KREMEN1: variants seen among roughly 807,000 people sequenced by gnomAD.
KREMEN1 encodes kringle containing transmembrane protein 1.
Under a neutral mutation model 46.5 loss-of-function variants are expected in KREMEN1, and 30 were observed. The observed-to-expected ratio is 0.65, with a 90% confidence interval of 0.48 to 0.88. The LOEUF is 0.88. KREMEN1 is among the 40% of genes least tolerant of loss of function. The pLI is 0.00. For synonymous variants in KREMEN1, 214 were observed against 230.6 expected, an observed-to-expected ratio of 0.93 and a Z score of 0.65; for missense variants, 533 against 596.9, an observed-to-expected ratio of 0.89 and a Z score of 1.11.
At chr22:29,167,059 G>C in exon 10 of KREMEN1, 1 of 1,551,636 alleles carries the variant, frequency 6.4e-7, no homozygotes, top group Non-Finnish European at 8.7e-7. Context: ...TCAGGACTCG[G>C]AAGTGACATC....
At chr22:29,082,645 A>T (rs2037673344) in intron 1 of KREMEN1, among the ~76,000 whole-genome samples, 1 of 152,200 alleles carries the variant, frequency 6.6e-6, no homozygotes, top group African/African-American at 2.4e-5. Context: ...TGCTGAGAAT[A>T]CAAAGGTGAG....
At chr22:29,094,866 C>T (rs373543374) in intron 2 of KREMEN1, among the ~76,000 whole-genome samples, 3 of 152,250 alleles carry the variant, frequency 2.0e-5, no homozygotes, top group East Asian at 3.9e-4. Context: ...CCTTGTGATC[C>T]GCCCGCCTCA....
At chr22:29,136,664 A>T (rs1250550163) in intron 5 of KREMEN1, among the ~76,000 whole-genome samples, 2 of 152,156 alleles carry the variant, frequency 1.3e-5, no homozygotes, top group Non-Finnish European at 2.9e-5. Context: ...CATGTAAGAC[A>T]GGAAATCACT....
chr22:29,090,940 C>G (rs1184501837), intron 1 of KREMEN1, among the ~76,000 whole-genome samples: 1 of 152,076 alleles, frequency 6.6e-6, no homozygotes, highest in African/African-American at 2.4e-5. Context: ...CAGATGCCAT[C>G]TCGTCTCCAT....
chr22:29,167,225 G>A lies in KREMEN1; in HGVS notation c.*119G>A, dbSNP rs982986190. Reference sequence around the variant, plus strand: ...TGGGCTCTCTCTGGCCCAGCGTGGTGGTTCATGCCTGTAATACCAGCGTTT... The same window carrying A: ...TGGGCTCTCTCTGGCCCAGCGTGGTAGTTCATGCCTGTAATACCAGCGTTT... On this transcript the variant is annotated 3_prime_UTR_variant, in exon 10 of 10. Transcript: ENST00000327813. 10 of 831,756 alleles carry A rather than the reference G, an allele frequency of 1.2e-5. No individual in the cohort carries two copies. The African/African-American group carries it at 1.4e-4, about 11-fold the overall frequency. 51.5% of individuals were successfully genotyped at this position (831,756 alleles called of 1,614,324 possible). A position where few individuals can be genotyped will look rare whatever the true frequency, so the allele number is the denominator to read the frequency against.
chr22:29,080,301 C>G (rs1201113403), intron 1 of KREMEN1, among the ~76,000 whole-genome samples: 1 of 152,238 alleles, frequency 6.6e-6, no homozygotes. Flanking sequence ...CTGGTGAGGG[C>G]TGTAACTGCT....
intron 9 of KREMEN1, among the ~76,000 whole-genome samples, chr22:29,161,316 G>T (rs1028355129): frequency 2.6e-5 from 4 of 151,728 alleles, no homozygotes; most frequent in Admixed American, 1.3e-4. Context: ...GACCATCCTG[G>T]CTAACATGAT....
intron 3 of KREMEN1, among the ~76,000 whole-genome samples, chr22:29,109,290 A>G (rs1190972366): frequency 1.3e-5 from 2 of 152,216 alleles, no homozygotes; most frequent in Non-Finnish European, 2.9e-5. Context: ...ATTCAAATTG[A>G]TAGGGATGAC....
rs2038523838 is a variant in KREMEN1, at chr22:29,130,915, C to T, written c.631+5499C>T. The stretch of plus-strand genomic sequence containing the variant: ...TTTCAAGTTTCCTGTTGGATTATCA[C>T]TGAATTTTAATAATCCATCATAAAG... On this transcript the variant is annotated intron_variant, in intron 5 of 8. Transcript: ENST00000400335. Among the ~76,000 whole-genome samples, 3 of 152,312 alleles carry T rather than the reference C, an allele frequency of 2.0e-5. No homozygotes were observed. The South Asian group carries it at 6.2e-4, about 32-fold the overall frequency.
downstream of KREMEN1, among the ~76,000 whole-genome samples, chr22:29,148,579 G>A (rs561285036): frequency 3.3e-5 from 5 of 150,998 alleles, no homozygotes; most frequent in East Asian, 2.0e-4. Flanking sequence ...TCAGCCTCCC[G>A]GAGTAGCTGG....
intron 4 of KREMEN1, among the ~76,000 whole-genome samples, chr22:29,122,647 T>A (rs2038373233): frequency 6.6e-6 from 1 of 152,058 alleles, no homozygotes; most frequent in South Asian, 2.1e-4. Flanking sequence ...AGAGACATAT[T>A]AAGACCTACT....
In KREMEN1 at chr22:29,146,228, A is replaced by G. The variant is rs1345727912; in HGVS notation, c.*4116A>G. On this transcript the variant is annotated 3_prime_UTR_variant, in exon 9 of 9. Coordinates refer to ENST00000400335, the MANE Select transcript of KREMEN1 (RefSeq NM_001039570.3). ...TCTGGTGTCTTTGTTTACCTTCCTC[A>G]CTGTTCTACCTCCTGGCCAGGTCTC... 13 of 985,126 alleles carry G rather than the reference A, an allele frequency of 1.3e-5. No homozygotes were observed. The highest frequency in any genetic ancestry group is 6.2e-5 in the Admixed American group (1 of 16,216). The allele number at this position is 985,126 out of a possible 1,614,324, so 61.0% of individuals were successfully genotyped here.
At chr22:29,105,663 A>C (rs2038048794) in intron 3 of KREMEN1, among the ~76,000 whole-genome samples, 1 of 152,148 alleles carries the variant, frequency 6.6e-6, no homozygotes, top group Non-Finnish European at 1.5e-5. Flanking sequence ...GAAGATGATG[A>C]TGAAGCTGAG....
chr22:29,077,409 G>A (rs2037589915), intron 1 of KREMEN1, among the ~76,000 whole-genome samples: 1 of 152,130 alleles, frequency 6.6e-6, no homozygotes. Flanking sequence ...AAGTGCAGTG[G>A]CGCAATCTCG....
At chr22:29,097,984 C>A (rs969685580) in intron 2 of KREMEN1, among the ~76,000 whole-genome samples, 4 of 152,074 alleles carry the variant, frequency 2.6e-5, no homozygotes, top group African/African-American at 9.7e-5. Context: ...GAGTTGGAGA[C>A]CAGACTGGCC....
chr22:29,151,381 G>A (rs1323303243), downstream of KREMEN1, among the ~76,000 whole-genome samples: 1 of 152,140 alleles, frequency 6.6e-6, no homozygotes, highest in Admixed American at 6.5e-5. Flanking sequence ...GCCAGGGGTC[G>A]GCAAACATTT....
rs184161759 is a variant in KREMEN1 at position 29,131,767 on chromosome 22, T to C, written c.632-5575T>C. On this transcript the variant is annotated intron_variant, in intron 5 of 8. Coordinates refer to ENST00000400335, the MANE Select transcript of KREMEN1 (RefSeq NM_001039570.3). ...ATATATGTATATATGTATATATATA[T>C]GTATATATATATATAGTTTTGTGTT... Among the ~76,000 whole-genome samples the C allele has an allele frequency of 3.5e-3, 466 of 132,394 alleles. 7 individuals carry two copies. The East Asian group carries it at 0.037, about 10-fold the overall frequency. 86.9% of individuals were successfully genotyped at this position (132,394 alleles called of 152,430 possible).
downstream of KREMEN1, among the ~76,000 whole-genome samples, chr22:29,148,283 G>C (rs1450032200): frequency 1.3e-5 from 2 of 152,088 alleles, no homozygotes; most frequent in Non-Finnish European, 2.9e-5. Context: ...ATGGGCAAAG[G>C]TGGCATCCTC....
In KREMEN1 at chr22:29,145,835, G is replaced by T; in HGVS notation, c.*3723G>T. Reference sequence around the variant, plus strand: ...CGGCCAGAAGCCCACAGAGATCAAAGCACTAGCAAGTTCAGCTGTCCTGGC... The same window carrying T: ...CGGCCAGAAGCCCACAGAGATCAAATCACTAGCAAGTTCAGCTGTCCTGGC... On this transcript the variant is annotated 3_prime_UTR_variant, in exon 9 of 9. Coordinates refer to ENST00000400335, the MANE Select transcript of KREMEN1 (RefSeq NM_001039570.3). 1.0e-6 allele frequency: 1 copy of T among 985,554 alleles called. No homozygotes were observed. 61.1% of individuals were successfully genotyped at this position (985,554 alleles called of 1,614,324 possible).
Sources: allele counts gnomAD v4.1 joint callset (sites outside exome capture counted in the v4.1 genomes callset), GRCh38; gene constraint gnomAD v4.1.1; transcripts MANE v1.5; gene names NCBI Gene and HGNC (gene_info 2026-07-23, HGNC 2026-07-21).